Variants in FBXL17 observed in about 807,000 individuals in gnomAD.
The protein encoded by FBXL17 is F-box/LRR-repeat protein 17.
Under a neutral mutation model 66.2 loss-of-function variants are expected in FBXL17, and 22 were observed. The ratio of observed to expected loss-of-function variants is 0.33; its 90% CI spans 0.24 to 0.47. The LOEUF (loss-of-function observed/expected upper bound fraction) is 0.47, where lower values mean the gene tolerates loss of function less well. Among genes scored for constraint, FBXL17 ranks in the 20% least tolerant of loss-of-function variants. The pLI, the probability that FBXL17 is intolerant of heterozygous loss-of-function variation, is 1.00. For missense variants in FBXL17, 878 were observed against 948.2 expected (o/e 0.93, Z 0.97); for synonymous variants, 474 against 400.5 (o/e 1.18, Z -2.19).
intron 7 of FBXL17, among the ~76,000 whole-genome samples, chr5:107,937,966 G>C (rs1189130129): frequency 1.3e-5 from 2 of 152,090 alleles, no homozygotes; most frequent in African/African-American, 4.8e-5. Context: ...TCTCCTACAT[G>C]GCTAGAGACC....
At chr5:108,252,652 A>G (rs565332776) in intron 4 of FBXL17, among the ~76,000 whole-genome samples, 1 of 152,142 alleles carries the variant, frequency 6.6e-6, no homozygotes, top group Non-Finnish European at 1.5e-5. Context: ...CCATTTAAAT[A>G]TGTTCTACTA....
rs147785241 is a variant in FBXL17 at position 107,960,359 on chromosome 5, A to G, written c.1822+60566T>C. ...CTCTCTTAGCAATTCTAAAATATAC[A>G]TTATTACTAACCATATTCACCATGC... On this transcript the variant is annotated intron_variant, in intron 7 of 8. Transcript: ENST00000542267. 3.3e-4 allele frequency among the ~76,000 whole-genome samples: 51 copies of G among 152,268 alleles called. No individual in the cohort carries two copies. The East Asian group carries it at 8.7e-3, about 26-fold the overall frequency.
At chr5:108,040,747 G>C (rs1747014444) in intron 6 of FBXL17, among the ~76,000 whole-genome samples, 1 of 152,096 alleles carries the variant, frequency 6.6e-6, no homozygotes, top group Admixed American at 6.5e-5. Context: ...CAAATGATAT[G>C]CAGGAATAAA....
At chr5:108,224,264 A>G (rs987289753) in intron 4 of FBXL17, 36 bp from the exon 5 acceptor site, 27 of 1,274,306 alleles carry the variant, frequency 2.1e-5, no homozygotes, top group Non-Finnish European at 2.9e-5. Context: ...ATTCAAGGTA[A>G]TAGTCCAGTG....
At chr5:108,047,907 C>A (rs961426984) in intron 6 of FBXL17, among the ~76,000 whole-genome samples, 1 of 152,202 alleles carries the variant, frequency 6.6e-6, no homozygotes, top group African/African-American at 2.4e-5. Context: ...AATGGGGTTC[C>A]CCCCAGCGAA....
intron 7 of FBXL17, among the ~76,000 whole-genome samples, chr5:107,958,082 G>A (rs572123573): frequency 2.7e-4 from 41 of 151,130 alleles, no homozygotes; most frequent in African/African-American, 8.5e-4. Flanking sequence ...GGTGAACAGC[G>A]CGATTATTTC....
chr5:108,139,402 C>T (rs985354629), intron 6 of FBXL17, among the ~76,000 whole-genome samples: 6 of 152,170 alleles, frequency 3.9e-5, no homozygotes, highest in African/African-American at 1.2e-4. Flanking sequence ...ATTCACAGCA[C>T]CTCCAGTTTC....
At chr5:107,964,633 T>A (rs1752048006) in intron 7 of FBXL17, among the ~76,000 whole-genome samples, 1 of 152,122 alleles carries the variant, frequency 6.6e-6, no homozygotes, top group African/African-American at 2.4e-5. Flanking sequence ...TTATATACAA[T>A]GGATAGCTTT....
chr5:108,088,942 A>C (rs1348694582), intron 6 of FBXL17, among the ~76,000 whole-genome samples: 1 of 152,134 alleles, frequency 6.6e-6, no homozygotes, highest in Admixed American at 6.5e-5. Flanking sequence ...TCCACCTGCC[A>C]AAGAGTGAAC....
At chr5:107,963,146 AT>A (rs922028178) in intron 7 of FBXL17, among the ~76,000 whole-genome samples, 1 of 152,124 alleles carries the variant, frequency 6.6e-6, no homozygotes, top group Non-Finnish European at 1.5e-5. Context: ...AAGTACTCAT[AT>A]TTTATAAACT....
In FBXL17 at chr5:108,066,339, C is replaced by T. The variant is rs551142953; in HGVS notation, c.1746-45338G>A. On this transcript the variant is annotated intron_variant, in intron 6 of 8. Coordinates refer to ENST00000542267, the MANE Select transcript of FBXL17 (RefSeq NM_001163315.3). The stretch of plus-strand genomic sequence containing the variant: ...ATTTCTATAACATATAAACTAAACG[C>T]CCACATTAGCATTGTATCTTTTTTG... 6.6e-5 allele frequency among the ~76,000 whole-genome samples: 10 copies of T among 152,064 alleles called. No homozygotes were observed. The South Asian group carries it at 1.2e-3, about 19-fold the overall frequency.
At chr5:107,909,585 T>G (rs1209272541) in intron 7 of FBXL17, among the ~76,000 whole-genome samples, 1 of 152,212 alleles carries the variant, frequency 6.6e-6, no homozygotes, top group African/African-American at 2.4e-5. Context: ...CAGCCTATCC[T>G]GCATCATAAG....
intron 5 of FBXL17, among the ~76,000 whole-genome samples, chr5:108,214,709 T>C (rs990208625): frequency 6.6e-6 from 1 of 152,166 alleles, no homozygotes; most frequent in Non-Finnish European, 1.5e-5. Context: ...TATCCTATTT[T>C]AGAAATCTTT....
At chr5:108,072,565 G>A (rs760587973) in intron 6 of FBXL17, among the ~76,000 whole-genome samples, 7 of 152,146 alleles carry the variant, frequency 4.6e-5, no homozygotes, top group East Asian at 3.9e-4. Flanking sequence ...AAAATTAGCC[G>A]GGCGTGGTGG....
intron 7 of FBXL17, among the ~76,000 whole-genome samples, chr5:107,893,503 C>CA (rs779716644): frequency 5.9e-5 from 9 of 152,152 alleles, no homozygotes; most frequent in Non-Finnish European, 8.8e-5. Context: ...TCTGTAAAAA[C>CA]AAGATACTGT....
intron 7 of FBXL17, among the ~76,000 whole-genome samples, chr5:107,960,957 C>A (rs568844874): frequency 7.1e-4 from 108 of 152,162 alleles, no homozygotes; most frequent in African/African-American, 2.5e-3. Context: ...AGGGTATGCA[C>A]AGGAAGTTAC....
chr5:108,137,992 A>C (rs1355177228), intron 6 of FBXL17, among the ~76,000 whole-genome samples: 2 of 152,160 alleles, frequency 1.3e-5, no homozygotes. Context: ...ACCTTGTTTT[A>C]GTTTTCTAGA....
intron 4 of FBXL17, among the ~76,000 whole-genome samples, chr5:108,294,015 T>C (rs1580760937): frequency 8.5e-6 from 1 of 117,126 alleles, no homozygotes; most frequent in Non-Finnish European, 1.6e-5. Flanking sequence ...CACTCCAGCC[T>C]GGGAGACAGA....
intron 6 of FBXL17, among the ~76,000 whole-genome samples, chr5:108,150,596 CTT>C (rs1751729749): frequency 2.6e-5 from 4 of 152,256 alleles, no homozygotes; most frequent in South Asian, 2.1e-4. Context: ...AATTTTTGCT[CTT>C]GTGTTTCATC....
Sources: gnomAD v4.1 joint callset for allele counts (sites outside exome capture counted in the v4.1 genomes callset) on GRCh38, gnomAD v4.1.1 for gene constraint, MANE v1.5 for transcripts, NCBI Gene and HGNC (gene_info 2026-07-23, HGNC 2026-07-21) for gene names.